The following EEFSEC variants were observed in gnomAD, a reference collection of about 807,000 sequenced individuals.
The protein encoded by EEFSEC is eukaryotic elongation factor, selenocysteine-tRNA specific.
EEFSEC carries 43 observed loss-of-function variants against 42.1 expected under a neutral mutation model. The ratio of observed to expected loss-of-function variants is 1.02; its 90% CI spans 0.80 to 1.32. The LOEUF is 1.32. Among genes scored for constraint, EEFSEC ranks in the 40% most tolerant of loss-of-function variants. The pLI, the probability that EEFSEC is intolerant of heterozygous loss-of-function variation, is 0.00. For synonymous variants in EEFSEC, 354 were observed against 339.1 expected (o/e 1.04, Z -0.48); for missense variants, 745 against 803.6 (o/e 0.93, Z 0.88).
intron 6 of EEFSEC, among the ~76,000 whole-genome samples, chr3:128,382,975 G>T (rs987105363): frequency 6.6e-6 from 1 of 152,240 alleles, no homozygotes; most frequent in African/African-American, 2.4e-5. Context: ...GAGATGGCAG[G>T]CTGCCTTGGC....
At chr3:128,199,420 A>G (rs2065620337) in intron 1 of EEFSEC, among the ~76,000 whole-genome samples, 1 of 152,204 alleles carries the variant, frequency 6.6e-6, no homozygotes, top group Admixed American at 6.5e-5. Context: ...GGGCTATACT[A>G]CATCTGCTAT....
chr3:128,407,289 C>G (rs1343762151), intron 6 of EEFSEC, among the ~76,000 whole-genome samples: 1 of 152,200 alleles, frequency 6.6e-6, no homozygotes, highest in Non-Finnish European at 1.5e-5. Flanking sequence ...GGGGGCTGCA[C>G]CCACCCAAGC....
chr3:128,357,999 G>T (rs2067477429), intron 5 of EEFSEC, among the ~76,000 whole-genome samples: 1 of 152,142 alleles, frequency 6.6e-6, no homozygotes, highest in African/African-American at 2.4e-5. Context: ...AGGGCCCGTT[G>T]TTATAGTGGC....
chr3:128,225,281 TC>T (rs767363029), intron 1 of EEFSEC, among the ~76,000 whole-genome samples: 10 of 152,210 alleles, frequency 6.6e-5, no homozygotes, highest in Non-Finnish European at 1.2e-4. Flanking sequence ...GTGAGGCAAG[TC>T]CAGCCCCAGC....
intron 1 of EEFSEC, among the ~76,000 whole-genome samples, chr3:128,176,498 A>G (rs2065349528): frequency 6.6e-6 from 1 of 152,188 alleles, no homozygotes; most frequent in South Asian, 2.1e-4. Flanking sequence ...GTCTGCTGGA[A>G]GCAGTGGCTT....
At chr3:128,293,679 A>AGAAAAC (rs1553752140) in intron 4 of EEFSEC, among the ~76,000 whole-genome samples, 1 of 133,452 alleles carries the variant, frequency 7.5e-6, no homozygotes, top group African/African-American at 2.9e-5. Flanking sequence ...AAAAAAAAAA[A>AGAAAAC]AAAAAAAACT....
intron 4 of EEFSEC, among the ~76,000 whole-genome samples, chr3:128,327,541 T>C (rs1419565488): frequency 1.3e-5 from 2 of 151,690 alleles, no homozygotes; most frequent in Non-Finnish European, 2.9e-5. Context: ...TGCCATGGAG[T>C]AGGTGCTACA....
At chr3:128,193,424 T>G (rs1451533040) in intron 1 of EEFSEC, among the ~76,000 whole-genome samples, 1 of 152,210 alleles carries the variant, frequency 6.6e-6, no homozygotes, top group African/African-American at 2.4e-5. Flanking sequence ...TACTGGCACT[T>G]CGGGGGAGGG....
At chr3:128,268,470 G>A (rs1161596504) in intron 4 of EEFSEC, among the ~76,000 whole-genome samples, 1 of 152,150 alleles carries the variant, frequency 6.6e-6, no homozygotes, top group Non-Finnish European at 1.5e-5. Context: ...CCAGAGGGTA[G>A]ACTATAGTAG....
At chr3:128,425,336 C>T in the EEFSEC span, among the ~76,000 whole-genome samples, 1 of 152,218 alleles carries the variant, frequency 6.6e-6, no homozygotes, top group Non-Finnish European at 1.5e-5. Flanking sequence ...CTGCACGTCC[C>T]AGCAGCTCCT....
the EEFSEC span, among the ~76,000 whole-genome samples, chr3:128,420,424 T>C: frequency 6.6e-6 from 1 of 152,208 alleles, no homozygotes; most frequent in Non-Finnish European, 1.5e-5. Context: ...CCTCAGGGCC[T>C]GAGCCCACAG....
At chr3:128,302,461 G>A (rs986624152) in intron 4 of EEFSEC, among the ~76,000 whole-genome samples, 1 of 151,990 alleles carries the variant, frequency 6.6e-6, no homozygotes, top group African/African-American at 2.4e-5. Flanking sequence ...TCCAGCTTAG[G>A]TTTCATATGC....
At chr3:128,224,315 T>C (rs1199239621) in intron 1 of EEFSEC, among the ~76,000 whole-genome samples, 2 of 152,206 alleles carry the variant, frequency 1.3e-5, no homozygotes. Context: ...TAAATGCAAT[T>C]GGTGTATAAG....
rs905795948 is a variant in EEFSEC, at chr3:128,262,366, C to T, written c.621+142C>T. 1.8e-5 allele frequency: 12 copies of T among 666,752 alleles called. No individual in the cohort carries two copies. The Admixed American group carries it at 2.9e-4, about 16-fold the overall frequency. 41.3% of individuals were successfully genotyped at this position (666,752 alleles called of 1,614,324 possible). A position where few individuals can be genotyped will look rare whatever the true frequency, so the allele number is the denominator to read the frequency against. On this transcript the variant is annotated intron_variant, in intron 3 of 6. Transcript: ENST00000254730. ...TTGGTTCCATTAACCTCCCTGTTAA[C>T]ACCTTAGCACAACTCCCCCACCTCC... is the stretch of plus-strand genomic sequence containing the variant.
At chr3:128,283,692 G>T (rs1033579537) in intron 4 of EEFSEC, among the ~76,000 whole-genome samples, 4 of 152,194 alleles carry the variant, frequency 2.6e-5, no homozygotes, top group Admixed American at 2.6e-4. Flanking sequence ...GCAAGCCCCA[G>T]CTCTGCTGGC....
intron 6 of EEFSEC, among the ~76,000 whole-genome samples, chr3:128,370,875 A>C (rs1194382017): frequency 6.6e-6 from 1 of 152,212 alleles, no homozygotes; most frequent in Non-Finnish European, 1.5e-5. Context: ...CGATGCAGTG[A>C]GGCTTGAGCT....
chr3:128,162,511 T>TG (rs2065200617), intron 1 of EEFSEC, among the ~76,000 whole-genome samples: 1 of 152,228 alleles, frequency 6.6e-6, no homozygotes, highest in Non-Finnish European at 1.5e-5. Flanking sequence ...AAGTTGAGCT[T>TG]TGTCTGCGGC....
intron 1 of EEFSEC, among the ~76,000 whole-genome samples, chr3:128,221,063 A>G (rs1026621804): frequency 1.3e-5 from 2 of 152,210 alleles, no homozygotes; most frequent in Non-Finnish European, 2.9e-5. Context: ...CTCACAGGAG[A>G]ACTTCAGAAA....
chr3:128,329,837 G>C (rs912296072), intron 4 of EEFSEC, among the ~76,000 whole-genome samples: 1 of 152,252 alleles, frequency 6.6e-6, no homozygotes, highest in Non-Finnish European at 1.5e-5. Flanking sequence ...CTGGCTGAAG[G>C]ACAGGGTAGC....
Sources: allele counts gnomAD v4.1 joint callset (sites outside exome capture counted in the v4.1 genomes callset), GRCh38; gene constraint gnomAD v4.1.1; transcripts MANE v1.5; gene names NCBI Gene and HGNC (gene_info 2026-07-23, HGNC 2026-07-21).